Variants in TAF1 observed in about 807,000 individuals in gnomAD.
TAF1 encodes TATA-box binding protein associated factor 1.
TAF1 carries 2 observed loss-of-function variants against 138.5 expected under a neutral mutation model. That is an observed-to-expected ratio of 0.01 (90% confidence interval 0.01 to 0.05). The LOEUF (loss-of-function observed/expected upper bound fraction) is 0.05. Ranked by LOEUF, TAF1 falls within the 10% of genes least tolerant of loss-of-function variation. TAF1 has a pLI of 1.00. For synonymous variants in TAF1, 437 were observed against 503.2 expected (o/e 0.87, Z 1.76); for missense variants, 709 against 1,478.0 (o/e 0.48, Z 8.53).
chrX:71,459,788 C>T (rs2038469978), intron 36 of TAF1, 80 bp downstream of exon 36: 1 of 1,160,727 alleles, frequency 8.6e-7, no homozygotes, highest in Non-Finnish European at 1.1e-6. Flanking sequence ...CGCTCTTGGC[C>T]ACATATGCTT....
chrX:71,528,760 C>T (rs1448347740), intron 14 of TAF1: 1 of 291,787 alleles, frequency 3.4e-6, no homozygotes, highest in South Asian at 3.1e-5. Context: ...TAGCACAGAC[C>T]CAAAGAGTGA....
intron 32 of TAF1, among the ~76,000 whole-genome samples, chrX:71,451,615 ACCCTGCGGCCTT>A (rs1008156856): frequency 1.8e-5 from 2 of 108,953 alleles, no homozygotes; most frequent in African/African-American, 6.7e-5. Flanking sequence ...TAGGCAGAGG[ACCCTGCGGCCTT>A]CCGCAGTGTT....
intron 32 of TAF1, chrX:71,441,656 AT>A (rs1169317371): frequency 3.3e-6 from 1 of 301,326 alleles, no homozygotes; most frequent in Non-Finnish European, 6.3e-6. Context: ...ACTAGAACTG[AT>A]TTCTCCTATC....
At chrX:71,428,988 C>A (rs2036735621) in intron 32 of TAF1, among the ~76,000 whole-genome samples, 1 of 111,734 alleles carries the variant, frequency 8.9e-6, no homozygotes, top group Non-Finnish European at 1.9e-5. Context: ...ATATAGGAAG[C>A]AGGGAGGCCG....
chrX:71,497,878 AATGTCCTAGGGTGAGG>A (rs1464716470), intron 13 of TAF1, among the ~76,000 whole-genome samples: 1 of 111,575 alleles, frequency 9.0e-6, no homozygotes, highest in Non-Finnish European at 1.9e-5. Context: ...CAACTGTTTT[AATGTCCTAGGGTGAGG>A]ATAAGCCAGT....
intron 13 of TAF1, among the ~76,000 whole-genome samples, chrX:71,473,909 GC>G (rs2038933834): frequency 9.0e-6 from 1 of 110,967 alleles, no homozygotes; most frequent in Admixed American, 9.7e-5. Flanking sequence ...AGTTTGGGAG[GC>G]CAAGGAGGGT....
rs2038734958 is a variant in TAF1, at chrX:71,465,770, A to G, written c.*1724A>G. 8.9e-6 allele frequency: 1 copy of G among 111,985 alleles called. No homozygotes were observed. Among genetic ancestry groups the G allele is most frequent in the Non-Finnish European group, 1.9e-5 (1 of 53,256 alleles). 9.2% of individuals were successfully genotyped at this position (111,985 alleles called of 1,213,427 possible). ...AACATATGTGATCGCATTTTTGTAA[A>G]AGAACCATGTGTGTTTATATGTGTT... On this transcript the variant is annotated 3_prime_UTR_variant, in exon 38 of 38. Transcript: ENST00000423759.
At position 71,367,606 on chromosome X, in the gene TAF1, T is replaced by C. The variant is rs1464625072; in HGVS notation, c.228T>C (p.Asn76=). 3 of 1,208,947 alleles carry C rather than the reference T, an allele frequency of 2.5e-6. No individual in the cohort carries two copies. Among genetic ancestry groups the C allele is most frequent in the Non-Finnish European group, 3.4e-6 (3 of 894,915 alleles). ...ELTGTDGALV[N]DEGWVRSTED... is the part of the protein sequence containing the mutation. ...CCGGGACTGACGGTGCCTTGGTAAATGATGAAGGTGAAGTCTGGGTTGTGG... is the reference window on the plus strand; with the variant it reads ...CCGGGACTGACGGTGCCTTGGTAAACGATGAAGGTGAAGTCTGGGTTGTGG... Residue 76 remains asparagine (N), a synonymous_variant, in exon 2 of 38, where the codon AAT becomes AAC. Coordinates refer to ENST00000423759, the MANE Select transcript of TAF1 (RefSeq NM_004606.5).
chrX:71,457,078 A>C (rs1192451615), intron 34 of TAF1, among the ~76,000 whole-genome samples: 1 of 112,136 alleles, frequency 8.9e-6, no homozygotes, highest in African/African-American at 3.2e-5. Flanking sequence ...ACTGTGCCGT[A>C]GGGTTTTGCA....
intron 13 of TAF1, among the ~76,000 whole-genome samples, chrX:71,502,612 A>G (rs941285541): frequency 5.3e-5 from 6 of 112,978 alleles, no homozygotes; most frequent in Admixed American, 9.4e-5. Context: ...AGACTGTTTC[A>G]GTAAATATTT....
chrX:71,390,369 C>T (rs2034485479), intron 18 of TAF1, among the ~76,000 whole-genome samples: 2 of 111,771 alleles, frequency 1.8e-5, no homozygotes, highest in African/African-American at 6.5e-5. Context: ...GTTATGTCTT[C>T]TACTGAGATA....
chrX:71,397,017 A>G (rs1249247087), intron 22 of TAF1, among the ~76,000 whole-genome samples: 1 of 91,371 alleles, frequency 1.1e-5, no homozygotes, highest in East Asian at 3.7e-4. Flanking sequence ...AGAGCGAGAG[A>G]GATCCTGTCT....
intron 14 of TAF1, chrX:71,387,038 T>C: frequency 2.5e-6 from 1 of 407,797 alleles, no homozygotes; most frequent in Non-Finnish European, 4.3e-6. Flanking sequence ...ATCATCTGAA[T>C]TCACATCCTG....
At chrX:71,529,682 T>G in intron 14 of TAF1, 1 of 332,180 alleles carries the variant, frequency 3.0e-6, no homozygotes. Context: ...TTCTGAAATT[T>G]TGAACTCTTT....
At chrX:71,419,381 GAAAAAA>G (rs1313570541) in intron 28 of TAF1, among the ~76,000 whole-genome samples, 2 of 104,569 alleles carry the variant, frequency 1.9e-5, no homozygotes, top group Non-Finnish European at 3.9e-5. Flanking sequence ...AAAGGCAAAG[GAAAAAA>G]AAACAAAAAC....
intron 25 of TAF1, among the ~76,000 whole-genome samples, chrX:71,405,869 A>G (rs1018325969): frequency 4.5e-5 from 5 of 110,740 alleles, no homozygotes; most frequent in Admixed American, 3.9e-4. Flanking sequence ...TTTTAAATTT[A>G]AAAAATGAAG....
chrX:71,395,053 C>CT (rs2034775016), intron 22 of TAF1, among the ~76,000 whole-genome samples: 1 of 111,684 alleles, frequency 9.0e-6, no homozygotes, highest in Non-Finnish European at 1.9e-5. Flanking sequence ...CAGAAGGAGT[C>CT]TTAGACCATA....
At chrX:71,511,635 A>G (rs2039732281) in intron 13 of TAF1, among the ~76,000 whole-genome samples, 1 of 112,464 alleles carries the variant, frequency 8.9e-6, no homozygotes, top group African/African-American at 3.2e-5. Flanking sequence ...AGTTTCCAAC[A>G]GTTCTCATCG....
At chrX:71,388,920 T>G (rs2034399878) in intron 17 of TAF1, 52 bp downstream of exon 17, 4 of 1,152,173 alleles carry the variant, frequency 3.5e-6, no homozygotes, top group Non-Finnish European at 4.6e-6. Flanking sequence ...TTTGTTTTTT[T>G]TTTTCTTCCC....
Sources: allele counts gnomAD v4.1 joint callset (sites outside exome capture counted in the v4.1 genomes callset), GRCh38; gene constraint gnomAD v4.1.1; transcripts MANE v1.5; gene names NCBI Gene and HGNC (gene_info 2026-07-23, HGNC 2026-07-21).